The following EPRS1 variants were observed in gnomAD, a reference collection of about 807,000 sequenced individuals.
EPRS1 encodes glutamyl-prolyl-tRNA synthetase 1, also known as bifunctional glutamate/proline--tRNA ligase.
EPRS1 carries 107 observed loss-of-function variants against 188.3 expected under a neutral mutation model. The observed-to-expected ratio is 0.57, with a 90% CI of 0.49 to 0.67. The LOEUF (loss-of-function observed/expected upper bound fraction) is 0.67. Ranked by LOEUF, EPRS1 falls within the 30% of genes least tolerant of loss-of-function variation. EPRS1 has a pLI of 0.00. For missense variants in EPRS1, 1,577 were observed against 1,802.2 expected, an observed-to-expected ratio of 0.88 and a Z score of 2.26; for synonymous variants, 596 against 593.1, an observed-to-expected ratio of 1.00 and a Z score of -0.07.
At chr1:220,032,277 G>T in intron 5 of EPRS1, 110 bp downstream of exon 5, 12 of 722,476 alleles carry the variant, frequency 1.7e-5, no homozygotes, top group Admixed American at 4.0e-5. Context: ...TAGCAGAGAT[G>T]CGGTTTCACC....
chr1:220,023,932 T>C (rs1203481489), intron 8 of EPRS1, among the ~76,000 whole-genome samples: 2 of 152,156 alleles, frequency 1.3e-5, no homozygotes, highest in Non-Finnish European at 2.9e-5. Context: ...GGCAGGCAGA[T>C]CACAAGGTCA....
intron 18 of EPRS1, among the ~76,000 whole-genome samples, chr1:219,994,626 C>T (rs1007479103): frequency 6.8e-5 from 10 of 147,496 alleles, no homozygotes; most frequent in African/African-American, 1.0e-4. Flanking sequence ...AGAAATATGC[C>T]GTGGTAACTT....
Position 219,972,162 on chromosome 1 carries a change from T to C in EPRS1, c.4245-15A>G, listed in dbSNP as rs752157288. ...CTTCAGAAGCCCTACCAAACAAAATTAGAAAACAATACATAATTGTTCTCA... is the reference window on the plus strand; with the variant it reads ...CTTCAGAAGCCCTACCAAACAAAATCAGAAAACAATACATAATTGTTCTCA... On this transcript the variant is annotated splice_polypyrimidine_tract_variant and intron_variant, in intron 29 of 31. Coordinates refer to ENST00000366923, the MANE Select transcript of EPRS1 (RefSeq NM_004446.3). 1 of 1,464,952 alleles carries C rather than the reference T, an allele frequency of 6.8e-7. No individual in the cohort carries two copies. Among genetic ancestry groups the C allele is most frequent in the East Asian group, 2.4e-5 (1 of 42,190 alleles). 90.7% of individuals were successfully genotyped at this position (1,464,952 alleles called of 1,614,324 possible). A position where few individuals can be genotyped will look rare whatever the true frequency, so the allele number is the denominator to read the frequency against.
chr1:220,007,443 T>A (rs944430926), intron 13 of EPRS1, 105 bp from the exon 14 acceptor site: 12 of 1,097,306 alleles, frequency 1.1e-5, no homozygotes, highest in South Asian at 1.6e-5. Context: ...AAAAGTCTTC[T>A]GTGTTACTAA....
At chr1:220,024,705 G>A (rs1461076832) in intron 7 of EPRS1, among the ~76,000 whole-genome samples, 1 of 152,190 alleles carries the variant, frequency 6.6e-6, no homozygotes, top group Non-Finnish European at 1.5e-5. Flanking sequence ...CTTTGGAAAA[G>A]CTGGTCATTA....
intron 15 of EPRS1, among the ~76,000 whole-genome samples, chr1:220,005,807 T>C (rs977307835): frequency 2.0e-5 from 3 of 148,588 alleles, no homozygotes; most frequent in African/African-American, 5.0e-5. Flanking sequence ...ATGGAAACAT[T>C]ACTTACATCG....
chr1:220,026,387 AAT>A (rs1184880058), intron 6 of EPRS1, among the ~76,000 whole-genome samples: 1 of 152,176 alleles, frequency 6.6e-6, no homozygotes, highest in Non-Finnish European at 1.5e-5. Flanking sequence ...AGTAAAAGAA[AAT>A]ATGTTACACC....
chr1:220,008,837 G>A (rs1179785163), intron 13 of EPRS1, among the ~76,000 whole-genome samples: 1 of 151,976 alleles, frequency 6.6e-6, no homozygotes, highest in Non-Finnish European at 1.5e-5. Context: ...CATAATGCCT[G>A]GTTAATTTTT....
intron 13 of EPRS1, among the ~76,000 whole-genome samples, chr1:220,008,069 G>A (rs917855192): frequency 1.3e-4 from 20 of 148,852 alleles, no homozygotes; most frequent in African/African-American, 3.5e-4. Flanking sequence ...ATTGCATCAC[G>A]GCACTCCAGC....
chr1:219,980,490 A>G (rs1660874009), intron 25 of EPRS1, among the ~76,000 whole-genome samples: 1 of 152,196 alleles, frequency 6.6e-6, no homozygotes, highest in Admixed American at 6.5e-5. Context: ...AATAAATGTT[A>G]AGAAAGATAT....
chr1:220,034,881 CA>C (rs1662148519), intron 3 of EPRS1, 32 bp downstream of exon 3: 1 of 1,220,030 alleles, frequency 8.2e-7, no homozygotes, highest in South Asian at 1.2e-5. Flanking sequence ...AAGCATAAGA[CA>C]AAACACACAC....
chr1:220,046,460 GA>G lies in EPRS1; in HGVS notation c.-73del. Reference sequence around the variant, plus strand: ...AGAACTACGGAGGACCCCGCGAAAGGAAGAAGATGCAACGTGTGCGCGTACC... The same window carrying G: ...AGAACTACGGAGGACCCCGCGAAAGGAGAAGATGCAACGTGTGCGCGTACC... On this transcript the variant is annotated 5_prime_UTR_variant, in exon 1 of 32. Coordinates refer to ENST00000366923, the MANE Select transcript of EPRS1 (RefSeq NM_004446.3). The G allele has an allele frequency of 1.9e-6, 3 of 1,596,228 alleles. No homozygotes were observed. In the South Asian group the frequency reaches 3.4e-5, roughly 18 times the overall value.
chr1:220,022,679 A>G (rs888797900), intron 8 of EPRS1, among the ~76,000 whole-genome samples, 161 bp from the exon 9 acceptor site: 1 of 152,230 alleles, frequency 6.6e-6, no homozygotes, highest in Non-Finnish European at 1.5e-5. Context: ...CCAAGAGCAA[A>G]TGCGTCATTT....
intron 23 of EPRS1, chr1:219,982,504 CTCCTTGAAAAG>C: frequency 3.6e-6 from 1 of 280,614 alleles, no homozygotes; most frequent in Non-Finnish European, 6.5e-6. Flanking sequence ...AAGAATAAAA[CTCCTTGAAAAG>C]TCCTAAAAAT....
chr1:219,972,554 C>T (rs1660689633), intron 29 of EPRS1, among the ~76,000 whole-genome samples: 1 of 152,118 alleles, frequency 6.6e-6, no homozygotes, highest in South Asian at 2.1e-4. Flanking sequence ...ATATAAGATG[C>T]AGGCATTACC....
chr1:219,972,515 A>G (rs1290259911), intron 29 of EPRS1, among the ~76,000 whole-genome samples: 1 of 152,146 alleles, frequency 6.6e-6, no homozygotes, highest in East Asian at 1.9e-4. Context: ...GAATATATAT[A>G]TATCTTTTAT....
chr1:220,021,604 T>C (rs1349139916), intron 9 of EPRS1, among the ~76,000 whole-genome samples: 1 of 152,224 alleles, frequency 6.6e-6, no homozygotes, highest in Non-Finnish European at 1.5e-5. Flanking sequence ...CTTTTCCAAA[T>C]GTATTGAAAG....
intron 21 of EPRS1, 129 bp downstream of exon 21, chr1:219,984,077 C>A: frequency 1.5e-6 from 1 of 673,906 alleles, no homozygotes. Context: ...TAAATGACTA[C>A]ACTGTGTATT....
intron 12 of EPRS1, among the ~76,000 whole-genome samples, chr1:220,015,385 C>T (rs2102586085): frequency 6.6e-6 from 1 of 152,240 alleles, no homozygotes; most frequent in Non-Finnish European, 1.5e-5. Context: ...ATTGCTTGAA[C>T]CCAGGCAGCA....
Sources: gnomAD v4.1 joint callset for allele counts (sites outside exome capture counted in the v4.1 genomes callset) on GRCh38, gnomAD v4.1.1 for gene constraint, MANE v1.5 for transcripts, NCBI Gene and HGNC (gene_info 2026-07-23, HGNC 2026-07-21) for gene names.